PTPRD: variants seen among roughly 807,000 people sequenced by gnomAD.
The protein encoded by PTPRD is protein tyrosine phosphatase receptor type D.
A neutral mutation model predicts 214.5 loss-of-function variants in PTPRD; 34 were observed. The ratio of observed to expected loss-of-function variants is 0.16; its 90% CI spans 0.12 to 0.21. PTPRD has a LOEUF of 0.21. PTPRD is among the 10% of genes least tolerant of loss of function. The probability of loss-of-function intolerance (pLI) is 1.00; values close to 1 mark genes in which losing one functional copy is unlikely to be tolerated. For synonymous variants in PTPRD, 1,128 were observed against 845.7 expected, an observed-to-expected ratio of 1.33 and a Z score of -5.79; for missense variants, 2,545 against 2,398.7, an observed-to-expected ratio of 1.06 and a Z score of -1.27.
chr9:10,144,832 G>A (rs2099011314), intron 3 of PTPRD, among the ~76,000 whole-genome samples: 1 of 152,108 alleles, frequency 6.6e-6, no homozygotes, highest in African/African-American at 2.4e-5. Flanking sequence ...AATGAAATTT[G>A]GCATGTGGTT....
chr9:8,487,811 A>G (rs905174629), intron 27 of PTPRD, among the ~76,000 whole-genome samples: 1 of 151,082 alleles, frequency 6.6e-6, no homozygotes, highest in African/African-American at 2.4e-5. Context: ...TTCCGTCTCA[A>G]AAACAAACAA....
chr9:10,139,992 C>T (rs1327900643), intron 3 of PTPRD, among the ~76,000 whole-genome samples: 4 of 151,912 alleles, frequency 2.6e-5, no homozygotes, highest in African/African-American at 9.7e-5. Flanking sequence ...TAATTAATGG[C>T]CAAGTCCTCA....
chr9:9,447,049 G>A (rs766240687), intron 8 of PTPRD, among the ~76,000 whole-genome samples: 26 of 152,092 alleles, frequency 1.7e-4, no homozygotes, highest in African/African-American at 2.4e-4. Flanking sequence ...ACAAAGGAAC[G>A]CTATACACTG....
chr9:10,562,848 G>T (rs2064401163), intron 2 of PTPRD, among the ~76,000 whole-genome samples: 1 of 152,012 alleles, frequency 6.6e-6, no homozygotes, highest in Admixed American at 6.6e-5. Context: ...GATTTGCTCA[G>T]ATACTTGATT....
intron 9 of PTPRD, among the ~76,000 whole-genome samples, chr9:9,276,511 C>A (rs957035445): frequency 5.3e-5 from 8 of 151,236 alleles, no homozygotes; most frequent in Non-Finnish European, 8.9e-5. Flanking sequence ...GAGAGACAAC[C>A]TCTAGAGCAG....
At chr9:10,589,118 G>T (rs2132774159) in intron 2 of PTPRD, among the ~76,000 whole-genome samples, 1 of 152,066 alleles carries the variant, frequency 6.6e-6, no homozygotes, top group East Asian at 1.9e-4. Context: ...TTTAGCTGTA[G>T]GTAAAGTTGA....
At chr9:8,948,972 GCCTGTAGTCCCAGCA>G (rs936216243) in intron 11 of PTPRD, among the ~76,000 whole-genome samples, 1 of 151,892 alleles carries the variant, frequency 6.6e-6, no homozygotes, top group African/African-American at 2.4e-5. Context: ...GGTGGCTCAC[GCCTGTAGTCCCAGCA>G]CTTTGGCAGG....
chr9:9,808,561 TATA>T (rs1555136446), intron 5 of PTPRD, among the ~76,000 whole-genome samples: 1 of 152,176 alleles, frequency 6.6e-6, no homozygotes, highest in Non-Finnish European at 1.5e-5. Context: ...ACTTTATCTA[TATA>T]ATAAGACCAT....
intron 2 of PTPRD, among the ~76,000 whole-genome samples, chr9:10,375,183 C>G (rs1340231211): frequency 1.3e-5 from 2 of 151,986 alleles, no homozygotes; most frequent in East Asian, 3.9e-4. Context: ...CTTACTGGGG[C>G]AAGTAACTAA....
At chr9:10,019,127 G>A (rs953903290) in intron 4 of PTPRD, among the ~76,000 whole-genome samples, 1 of 152,056 alleles carries the variant, frequency 6.6e-6, no homozygotes, top group East Asian at 1.9e-4. Context: ...GATATGAACA[G>A]ACACTTCTCA....
At chr9:10,105,713 T>C (rs993542010) in intron 3 of PTPRD, among the ~76,000 whole-genome samples, 1 of 151,854 alleles carries the variant, frequency 6.6e-6, no homozygotes, top group Non-Finnish European at 1.5e-5. Context: ...GCTACTTGTG[T>C]TCATATTATT....
chr9:9,843,266 C>G (rs1488980941), intron 5 of PTPRD, among the ~76,000 whole-genome samples: 1 of 151,970 alleles, frequency 6.6e-6, no homozygotes, highest in Non-Finnish European at 1.5e-5. Context: ...CATAATATCG[C>G]TTAGGGACTT....
chr9:9,704,649 C>A (rs1227429492), intron 7 of PTPRD, among the ~76,000 whole-genome samples: 2 of 152,178 alleles, frequency 1.3e-5, no homozygotes, highest in South Asian at 4.1e-4. Context: ...ACAGCTTTTG[C>A]CCAGGACTCT....
chr9:9,302,316 T>C (rs1955606303), intron 9 of PTPRD, among the ~76,000 whole-genome samples: 2 of 151,980 alleles, frequency 1.3e-5, no homozygotes, highest in African/African-American at 4.8e-5. Flanking sequence ...GAAATATGTC[T>C]CTTCTATTGC....
At chr9:8,330,821 A>T (rs967193492) in intron 44 of PTPRD, among the ~76,000 whole-genome samples, 2 of 152,116 alleles carry the variant, frequency 1.3e-5, no homozygotes, top group African/African-American at 4.8e-5. Flanking sequence ...CTGAAGCAAA[A>T]TATATTTTTT....
intron 3 of PTPRD, among the ~76,000 whole-genome samples, chr9:10,277,780 A>G (rs1193365491): frequency 2.0e-5 from 3 of 152,176 alleles, no homozygotes; most frequent in Non-Finnish European, 4.4e-5. Flanking sequence ...GTGGAGTTAC[A>G]TGAAAACTAA....
chr9:9,310,585 A>G (rs1292352183), intron 9 of PTPRD, among the ~76,000 whole-genome samples: 1 of 152,184 alleles, frequency 6.6e-6, no homozygotes, highest in Admixed American at 6.6e-5. Context: ...ATGAGCCGTT[A>G]TTGAATGCCT....
intron 39 of PTPRD, among the ~76,000 whole-genome samples, chr9:8,373,518 TAGCTC>T (rs2082149147): frequency 6.6e-6 from 1 of 151,892 alleles, no homozygotes; most frequent in South Asian, 2.1e-4. Flanking sequence ...CAGCAGCTAT[TAGCTC>T]AGCACATTCA....
intron 2 of PTPRD, among the ~76,000 whole-genome samples, chr9:10,518,301 C>A (rs375284741): frequency 2.0e-5 from 3 of 151,986 alleles, no homozygotes; most frequent in African/African-American, 4.8e-5. Flanking sequence ...AAGAGCCTGG[C>A]GTATGGTTGT....
Sources: gnomAD v4.1 joint callset for allele counts (sites outside exome capture counted in the v4.1 genomes callset) on GRCh38, gnomAD v4.1.1 for gene constraint, MANE v1.5 for transcripts, NCBI Gene and HGNC (gene_info 2026-07-23, HGNC 2026-07-21) for gene names.